The following AFF2 variants were observed in gnomAD, a reference collection of about 807,000 sequenced individuals.
AFF2 encodes the protein AF4/FMR2 family member 2.
A neutral mutation model predicts 76.9 loss-of-function variants in AFF2; 14 were observed. The ratio of observed to expected loss-of-function variants is 0.18; its 90% CI spans 0.12 to 0.28. The LOEUF (loss-of-function observed/expected upper bound fraction) is 0.28, where lower values mean the gene tolerates loss of function less well. AFF2 is among the 10% of genes least tolerant of loss of function. AFF2 has a pLI of 1.00. For synonymous variants in AFF2, 398 were observed against 366.7 expected (o/e 1.09, Z -0.98); for missense variants, 868 against 1,001.1 (o/e 0.87, Z 1.79).
intron 1 of AFF2, among the ~76,000 whole-genome samples, chrX:148,609,881 G>T (rs2053709800): frequency 9.0e-6 from 1 of 111,398 alleles, no homozygotes; most frequent in Non-Finnish European, 1.9e-5. Context: ...GTTGAAAGGG[G>T]CAGCCTCTGA....
chrX:148,725,013 A>G (rs2055139452), intron 3 of AFF2, among the ~76,000 whole-genome samples: 1 of 111,224 alleles, frequency 9.0e-6, no homozygotes, highest in Admixed American at 9.6e-5. Flanking sequence ...GAAGCAGGCA[A>G]GCATATAGGG....
At chrX:148,816,306 AGAAG>A (rs782313718) in intron 4 of AFF2, among the ~76,000 whole-genome samples, 3 of 111,783 alleles carry the variant, frequency 2.7e-5, no homozygotes, top group Admixed American at 9.5e-5. Context: ...AATGAAAGAA[AGAAG>A]GAAAGAATAA....
intron 1 of AFF2, among the ~76,000 whole-genome samples, chrX:148,532,064 C>G (rs781794017): frequency 3.2e-4 from 35 of 110,941 alleles, no homozygotes; most frequent in African/African-American, 1.0e-3. Flanking sequence ...ACAGAACATA[C>G]AAATTGATAT....
intron 3 of AFF2, among the ~76,000 whole-genome samples, chrX:148,764,167 C>A (rs782235790): frequency 9.0e-6 from 1 of 111,663 alleles, no homozygotes; most frequent in Non-Finnish European, 1.9e-5. Context: ...GCATGGTGAG[C>A]AGAAATAGAA....
intron 19 of AFF2, among the ~76,000 whole-genome samples, chrX:148,983,080 C>T (rs782104348): frequency 7.1e-5 from 8 of 111,893 alleles, no homozygotes; most frequent in South Asian, 3.8e-4. Flanking sequence ...GTTCATCTTT[C>T]GCAAACTATT....
intron 7 of AFF2, among the ~76,000 whole-genome samples, chrX:148,851,867 C>T (rs1557275413): frequency 9.1e-6 from 1 of 110,024 alleles, no homozygotes; most frequent in Non-Finnish European, 1.9e-5. Context: ...CTGCTCCCCT[C>T]CCTCCTCACA....
chrX:148,520,690 A>G (rs934617718), intron 1 of AFF2, among the ~76,000 whole-genome samples: 6 of 112,528 alleles, frequency 5.3e-5, no homozygotes, highest in African/African-American at 1.9e-4. Context: ...TGTGAAATAA[A>G]ATGTCTTAAG....
At chrX:148,904,728 A>G (rs1264929992) in intron 9 of AFF2, among the ~76,000 whole-genome samples, 2 of 112,236 alleles carry the variant, frequency 1.8e-5, no homozygotes, top group Non-Finnish European at 3.8e-5. Context: ...CTCATAAAAT[A>G]TACTTAACTA....
At position 148,673,234 on chromosome X, in the gene AFF2, G is replaced by T. The variant is rs2054444790; in HGVS notation, c.1041+10466G>T. 2.7e-5 allele frequency among the ~76,000 whole-genome samples: 3 copies of T among 112,068 alleles called. No homozygotes were observed. The South Asian group carries it at 1.1e-3, about 41-fold the overall frequency. Reference sequence around the variant, plus strand: ...ATGTGCAAGACTCTGCAAATGGGAGGCATATTAGTTTCCTGTAGCTGCAAC... The same window carrying T: ...ATGTGCAAGACTCTGCAAATGGGAGTCATATTAGTTTCCTGTAGCTGCAAC... On this transcript the variant is annotated intron_variant, in intron 3 of 20. Coordinates refer to ENST00000370460, the MANE Select transcript of AFF2 (RefSeq NM_002025.4).
At chrX:148,663,013 G>T (rs781845801) in intron 3 of AFF2, among the ~76,000 whole-genome samples, 4 of 112,230 alleles carry the variant, frequency 3.6e-5, no homozygotes, top group Admixed American at 1.9e-4. Flanking sequence ...CTGAAAGAAT[G>T]ACAAGTTGGA....
intron 14 of AFF2, 47 bp from the exon 15 acceptor site, chrX:148,967,582 A>C: frequency 9.1e-7 from 1 of 1,095,825 alleles, no homozygotes; most frequent in Non-Finnish European, 1.3e-6. Context: ...TCTTTTACTG[A>C]AAAGATGAAG....
At chrX:148,656,929 C>G (rs1273941099) in intron 2 of AFF2, among the ~76,000 whole-genome samples, 1 of 112,143 alleles carries the variant, frequency 8.9e-6, no homozygotes, top group African/African-American at 3.2e-5. Flanking sequence ...TATCCTCTGA[C>G]AGGATGTCAG....
chrX:148,834,816 A>G (rs2070500718), intron 4 of AFF2, among the ~76,000 whole-genome samples: 1 of 112,000 alleles, frequency 8.9e-6, no homozygotes, highest in Non-Finnish European at 1.9e-5. Flanking sequence ...CACACTTTAC[A>G]AGTCTAATTC....
chrX:148,804,835 G>A (rs782623621), intron 3 of AFF2, among the ~76,000 whole-genome samples: 3 of 112,048 alleles, frequency 2.7e-5, no homozygotes, highest in South Asian at 3.7e-4. Context: ...GAATAGGGAC[G>A]GTTAAGGTGA....
In AFF2 at chrX:148,541,640, G is replaced by A. The variant is rs1346142797; in HGVS notation, c.47+40496G>A. Among the ~76,000 whole-genome samples the A allele has an allele frequency of 7.2e-5, 8 of 111,005 alleles. No individual in the cohort carries two copies. The Admixed American group carries it at 7.7e-4, about 11-fold the overall frequency. On this transcript the variant is annotated intron_variant, in intron 1 of 20. Coordinates refer to ENST00000370460, the MANE Select transcript of AFF2 (RefSeq NM_002025.4). ...TTCATTAACTTTCCAAGGAGATGGG[G>A]GTGGATAGCATAGTTGAAATTTTAA...
intron 8 of AFF2, among the ~76,000 whole-genome samples, chrX:148,895,548 C>G (rs1216338875): frequency 3.0e-5 from 3 of 99,248 alleles, no homozygotes; most frequent in African/African-American, 1.1e-4. Flanking sequence ...TGGCTGTGAA[C>G]AGTGTACTCT....
rs139199487 is a variant in AFF2 at position 148,561,644 on chromosome X, A to G, written c.47+60500A>G. 1.8e-3 allele frequency among the ~76,000 whole-genome samples: 199 copies of G among 111,147 alleles called. 1 individual carries two copies. The highest frequency in any genetic ancestry group is 6.2e-3 in the African/African-American group (191 of 30,588). Reference sequence around the variant, plus strand: ...CTTACCTGTACCTCGTCTCACTCCTACTGAGCCAGGATCTCTAGGGGTTGA... The same window carrying G: ...CTTACCTGTACCTCGTCTCACTCCTGCTGAGCCAGGATCTCTAGGGGTTGA... On this transcript the variant is annotated intron_variant, in intron 1 of 20. Coordinates refer to ENST00000370460, the MANE Select transcript of AFF2 (RefSeq NM_002025.4).
chrX:148,912,037 C>T lies in AFF2; in HGVS notation c.1397+7779C>T, dbSNP rs782482525. Among the ~76,000 whole-genome samples, 166 of 112,004 alleles carry T rather than the reference C, an allele frequency of 1.5e-3. 1 individual carries two copies. Among genetic ancestry groups the T allele is most frequent in the Non-Finnish European group, 2.6e-3 (136 of 53,170 alleles). ...TAAAGAAAATATGGTGTATATACAC[C>T]GTGGAATACTATGCAGCCATAAAAA... On this transcript the variant is annotated intron_variant, in intron 9 of 20. Transcript: ENST00000370460.
At position 149,000,587 on chromosome X, in the gene AFF2, C is replaced by G. The variant is rs192692172; in HGVS notation, c.*9255C>G. On this transcript the variant is annotated 3_prime_UTR_variant, in exon 21 of 21. Transcript: ENST00000370460. The stretch of plus-strand genomic sequence containing the variant: ...TGGCTGAGCTGGTGCGTTGGTTTCT[C>G]TCATAGAGGCATTAACTATACTGCC... 245 of 112,725 alleles carry G rather than the reference C, an allele frequency of 2.2e-3. No homozygotes were observed. Among genetic ancestry groups the G allele is most frequent in the African/African-American group, 7.1e-3 (220 of 30,928 alleles). The allele number at this position is 112,725 out of a possible 1,213,427, so 9.3% of individuals were successfully genotyped here. A position where few individuals can be genotyped will look rare whatever the true frequency, so the allele number is the denominator to read the frequency against.
Sources: allele counts gnomAD v4.1 joint callset (sites outside exome capture counted in the v4.1 genomes callset), GRCh38; gene constraint gnomAD v4.1.1; transcripts MANE v1.5; gene names NCBI Gene and HGNC (gene_info 2026-07-23, HGNC 2026-07-21).